Variants in SPART observed in about 807,000 individuals in gnomAD.
SPART encodes the protein spastic paraplegia 20 (Troyer syndrome).
SPART carries 35 observed loss-of-function variants against 58.7 expected under a neutral mutation model. That is an observed-to-expected ratio of 0.60 (90% CI 0.46 to 0.79). The LOEUF (loss-of-function observed/expected upper bound fraction) is 0.79. Ranked by LOEUF, SPART falls within the 30% of genes least tolerant of loss-of-function variation. SPART has a pLI of 0.00. For missense variants in SPART, 730 were observed against 786.1 expected (o/e 0.93, Z 0.85); for synonymous variants, 284 against 280.7 (o/e 1.01, Z -0.12).
intron 1 of SPART, among the ~76,000 whole-genome samples, chr13:36,340,086 T>C (rs1045661806): frequency 2.0e-4 from 29 of 145,296 alleles, no homozygotes; most frequent in African/African-American, 7.2e-4. Flanking sequence ...TAAAAGTAAA[T>C]AAAAAAACCA....
At chr13:36,363,358 T>C (rs1885939345) in intron 1 of SPART, among the ~76,000 whole-genome samples, 2 of 152,066 alleles carry the variant, frequency 1.3e-5, no homozygotes, top group South Asian at 2.1e-4. Context: ...AGCATCTCTC[T>C]CTCTCTCTCT....
chr13:36,315,014 C>G (rs963010185), intron 5 of SPART, among the ~76,000 whole-genome samples: 1 of 152,222 alleles, frequency 6.6e-6, no homozygotes, highest in African/African-American at 2.4e-5. Flanking sequence ...GCTTGCTACA[C>G]ATACCTGAAT....
At chr13:36,368,785 T>C (rs925082112) in intron 1 of SPART, among the ~76,000 whole-genome samples, 3 of 152,136 alleles carry the variant, frequency 2.0e-5, no homozygotes, top group Non-Finnish European at 4.4e-5. Flanking sequence ...GGGCTGTTCA[T>C]GATCTGGAGA....
At chr13:36,321,333 A>C (rs1038258033) in intron 5 of SPART, among the ~76,000 whole-genome samples, 4 of 152,196 alleles carry the variant, frequency 2.6e-5, no homozygotes, top group Admixed American at 6.5e-5. Context: ...TTAACTCTTG[A>C]AGTAAATAAA....
chr13:36,316,469 T>G (rs1339907660), intron 5 of SPART, among the ~76,000 whole-genome samples: 3 of 152,172 alleles, frequency 2.0e-5, no homozygotes. Flanking sequence ...ACAAAAGAAG[T>G]GTAAATGGCC....
At chr13:36,315,253 A>C (rs1309685007) in intron 5 of SPART, among the ~76,000 whole-genome samples, 1 of 152,224 alleles carries the variant, frequency 6.6e-6, no homozygotes, top group Non-Finnish European at 1.5e-5. Flanking sequence ...AATGTGGGGA[A>C]AGGAGTGGGA....
intron 8 of SPART, chr13:36,308,551 C>T (rs566916291): frequency 1.3e-5 from 2 of 151,844 alleles, no homozygotes; most frequent in South Asian, 2.1e-4. Flanking sequence ...TCATTAAGGA[C>T]CAGAAGTACA....
rs1883923343 is a variant in SPART, at chr13:36,335,600, C to T, written c.231G>A (p.Met77Ile). The change falls in exon 2 of 9, where the codon ATG becomes ATA. Residue 77 changes from methionine to isoleucine, a missense_variant. Physicochemically the swap from Met to Ile is conservative, Grantham distance 10. Transcript: ENST00000438666. ...GTAGAGTTTCTTTCATTTTCTGTTGCATCTGTCTAGCAGATTCCCACCCAG... is the reference window on the plus strand; with the variant it reads ...GTAGAGTTTCTTTCATTTTCTGTTGTATCTGTCTAGCAGATTCCCACCCAG... ...TGPGWESARQ[M>I]QQKMKETLQN... 6.2e-7 allele frequency: 1 copy of T among 1,613,662 alleles called. No homozygotes were observed. The highest frequency in any genetic ancestry group is 8.5e-7 in the Non-Finnish European group (1 of 1,179,876).
At chr13:36,346,897 A>G (rs1346145337), upstream of SPART, 1 of 152,174 alleles carries the variant, frequency 6.6e-6, no homozygotes, top group South Asian at 2.1e-4. Context: ...TATCCCCTCA[A>G]TGTCTCTGCA....
intron 1 of SPART, among the ~76,000 whole-genome samples, chr13:36,356,576 C>T (rs937078744): frequency 9.9e-5 from 15 of 152,156 alleles, no homozygotes; most frequent in Non-Finnish European, 2.1e-4. Flanking sequence ...TTAAATTTAC[C>T]AGTAGCCTGG....
Position 36,302,991 on chromosome 13 carries a change from A to G in SPART, c.*1374T>C, listed in dbSNP as rs905243050. ...ATGAGAATATATGAAGTGCCATTCC[A>G]TTTCTTAAACAAAGCATAGACTGTC... is the stretch of plus-strand genomic sequence containing the variant. On this transcript the variant is annotated 3_prime_UTR_variant, in exon 9 of 9. Coordinates refer to ENST00000438666, the MANE Select transcript of SPART (RefSeq NM_015087.5). 6.6e-6 allele frequency: 1 copy of G among 152,162 alleles called. No individual in the cohort carries two copies. Among genetic ancestry groups the G allele is most frequent in the African/African-American group, 2.4e-5 (1 of 41,434 alleles). 9.4% of individuals were successfully genotyped at this position (152,162 alleles called of 1,614,324 possible). A position where few individuals can be genotyped will look rare whatever the true frequency, so the allele number is the denominator to read the frequency against.
At chr13:36,363,142 A>C (rs1433345635) in intron 1 of SPART, among the ~76,000 whole-genome samples, 1 of 152,248 alleles carries the variant, frequency 6.6e-6, no homozygotes, top group Admixed American at 6.5e-5. Context: ...AAAGTATTTC[A>C]AACAGTCCTT....
rs1566133181 is a variant in SPART, at chr13:36,335,690, C to G, written c.141G>C (p.Lys47Asn). ...GQKEEAKNYY[K>N]QGIGHLLRGI... ...CTCTGAGCAGGTGTCCTATTCCTTG[C>G]TTATAGTAGTTCTTTGCTTCTTCCT... is the stretch of plus-strand genomic sequence containing the variant. Residue 47 changes from lysine to asparagine, a missense_variant, in exon 2 of 9, where the codon AAG becomes AAC. Coordinates refer to ENST00000438666, the MANE Select transcript of SPART (RefSeq NM_015087.5). 1 of 1,614,096 alleles carries G rather than the reference C, an allele frequency of 6.2e-7. No homozygotes were observed. The highest frequency in any genetic ancestry group is 1.1e-5 in the South Asian group (1 of 91,070).
intron 2 of SPART, among the ~76,000 whole-genome samples, chr13:36,334,009 A>G (rs545520506): frequency 7.0e-4 from 107 of 152,328 alleles, no homozygotes; most frequent in African/African-American, 2.4e-3. Flanking sequence ...TAAAAACTAC[A>G]TAAGAATCAA....
At chr13:36,338,751 G>C (rs1884271656) in intron 1 of SPART, among the ~76,000 whole-genome samples, 1 of 152,176 alleles carries the variant, frequency 6.6e-6, no homozygotes, top group African/African-American at 2.4e-5. Context: ...CCACAACTTG[G>C]TAATTAGAGT....
chr13:36,364,608 C>T (rs1024494080), intron 1 of SPART, among the ~76,000 whole-genome samples: 3 of 152,044 alleles, frequency 2.0e-5, no homozygotes, highest in East Asian at 1.9e-4. Context: ...GTCCCATTAA[C>T]GAAAAAGAAC....
Position 36,329,498 on chromosome 13 carries a change from T to G in SPART, c.1028A>C (p.Glu343Ala), listed in dbSNP as rs746750857. 2.0e-5 allele frequency: 32 copies of G among 1,614,078 alleles called. No individual in the cohort carries two copies. The highest frequency in any genetic ancestry group is 4.4e-5 in the South Asian group (4 of 91,088). ...AGGGATTTGGAATTCATTTTCTTCTTCTGCTCTGTTCCAGTTGGCCTAGAG... is the reference window on the plus strand; with the variant it reads ...AGGGATTTGGAATTCATTTTCTTCTGCTGCTCTGTTCCAGTTGGCCTAGAG... ...LRLQANWNRA[E>A]EENEFQIPGR... is the part of the protein sequence containing the mutation. Residue 343 changes from glutamate (E) to alanine (A), a missense_variant, in exon 4 of 9, where the codon GAA becomes GCA. By Grantham distance (107) the Glu-to-Ala change is moderately radical (BLOSUM62 -1). Coordinates refer to ENST00000438666, the MANE Select transcript of SPART (RefSeq NM_015087.5).
Position 36,331,489 on chromosome 13 carries a change from A to T in SPART, c.918T>A (p.Phe306Leu), listed in dbSNP as rs2137515774. 2.5e-6 allele frequency: 4 copies of T among 1,614,088 alleles called. No homozygotes were observed. The highest frequency in any genetic ancestry group is 3.4e-6 in the Non-Finnish European group (4 of 1,179,988). The change falls in exon 3 of 9, where the codon TTT becomes TTA. Residue 306 changes from phenylalanine (F) to leucine (L), a missense_variant. Physicochemically the swap from Phe to Leu is conservative, Grantham distance 22 (BLOSUM62 0). Coordinates refer to ENST00000438666, the MANE Select transcript of SPART (RefSeq NM_015087.5). ...PDTMLQAAGC[F>L]VGVVLSSELP... ...ACTCAGAGGACAGGACGACCCCCAC[A>T]AAGCATCCTGCTGCTTGTAGCATTG...
intron 1 of SPART, chr13:36,365,712 C>A: frequency 5.1e-6 from 2 of 394,896 alleles, no homozygotes; most frequent in South Asian, 2.1e-5. Context: ...ATGACCATAT[C>A]TTTTTTTATC....
Sources: allele counts gnomAD v4.1 joint callset (sites outside exome capture counted in the v4.1 genomes callset), GRCh38; gene constraint gnomAD v4.1.1; transcripts MANE v1.5; gene names NCBI Gene and HGNC (gene_info 2026-07-23, HGNC 2026-07-21).